NAA25: variants seen among roughly 807,000 people sequenced by gnomAD.
NAA25 encodes N-terminal acetyltransferase B complex subunit NAA25.
In NAA25, 30 loss-of-function variants were observed where a neutral mutation model predicts 132.5. The ratio of observed to expected loss-of-function variants is 0.23; its 90% CI spans 0.17 to 0.31. The LOEUF is 0.31. Among genes scored for constraint, NAA25 ranks in the 10% least tolerant of loss-of-function variants. The pLI, the probability that NAA25 is intolerant of heterozygous loss-of-function variation, is 1.00. For missense variants in NAA25, 771 were observed against 1,150.4 expected (o/e 0.67, Z 4.77); for synonymous variants, 359 against 401.9 (o/e 0.89, Z 1.28).
intron 1 of NAA25, among the ~76,000 whole-genome samples, chr12:112,100,859 C>G (rs975662660): frequency 1.3e-5 from 2 of 152,066 alleles, no homozygotes; most frequent in Non-Finnish European, 2.9e-5. Flanking sequence ...ACCTCGTCAT[C>G]CACCTGCCTT....
At chr12:112,095,126 A>C (rs1190395301) in intron 1 of NAA25, among the ~76,000 whole-genome samples, 2 of 152,012 alleles carry the variant, frequency 1.3e-5, no homozygotes, top group Non-Finnish European at 2.9e-5. Flanking sequence ...ACACAGCAAG[A>C]CACCATCTCT....
At chr12:112,046,763 T>C (rs928351826) in intron 17 of NAA25, among the ~76,000 whole-genome samples, 1 of 152,250 alleles carries the variant, frequency 6.6e-6, no homozygotes, top group South Asian at 2.1e-4. Flanking sequence ...ACAAAATCTT[T>C]ATTGCTGTAA....
At chr12:112,048,502 A>T in intron 15 of NAA25, 59 bp from the exon 16 acceptor site, 1 of 1,471,238 alleles carries the variant, frequency 6.8e-7, no homozygotes, top group Non-Finnish European at 9.4e-7. Flanking sequence ...AATGTAAGCA[A>T]ACCTTGCCAG....
chr12:112,065,613 A>G (rs1215058815), intron 11 of NAA25: 1 of 152,216 alleles, frequency 6.6e-6, no homozygotes, highest in Non-Finnish European at 1.5e-5. Flanking sequence ...CAGTGAGCCA[A>G]GATTGTGCCA....
chr12:112,089,605 G>C (rs2079102782), intron 3 of NAA25, among the ~76,000 whole-genome samples: 1 of 152,072 alleles, frequency 6.6e-6, no homozygotes, highest in South Asian at 2.1e-4. Flanking sequence ...GTATTACTAA[G>C]AGAAATAAAT....
intron 13 of NAA25, among the ~76,000 whole-genome samples, chr12:112,059,897 T>A (rs1325078019): frequency 6.6e-6 from 1 of 151,282 alleles, no homozygotes. Flanking sequence ...AACCTCCGCC[T>A]CCCAAGCTCA....
intron 10 of NAA25, among the ~76,000 whole-genome samples, chr12:112,069,411 A>C (rs2078769642): frequency 6.6e-6 from 1 of 152,166 alleles, no homozygotes; most frequent in African/African-American, 2.4e-5. Context: ...GGATAAGGCA[A>C]AGGATCGCTT....
chr12:112,042,176 C>T, intron 19 of NAA25, 72 bp from the exon 20 acceptor site: 1 of 707,258 alleles, frequency 1.4e-6, no homozygotes, highest in South Asian at 2.5e-5. Context: ...AAGATAAATA[C>T]CTGCAAGAAG....
intron 22 of NAA25, among the ~76,000 whole-genome samples, chr12:112,036,003 A>G (rs1186757347): frequency 6.6e-6 from 1 of 152,158 alleles, no homozygotes; most frequent in South Asian, 2.1e-4. Context: ...TCAAATGATA[A>G]TGATTATTAT....
At chr12:112,099,370 T>C (rs1398927227) in intron 1 of NAA25, among the ~76,000 whole-genome samples, 2 of 152,088 alleles carry the variant, frequency 1.3e-5, no homozygotes, top group Admixed American at 6.6e-5. Flanking sequence ...TTAGTTTTCA[T>C]TGTACTTTAC....
At chr12:112,101,362 A>G (rs1421971429) in intron 1 of NAA25, among the ~76,000 whole-genome samples, 5 of 152,214 alleles carry the variant, frequency 3.3e-5, no homozygotes, top group Non-Finnish European at 5.9e-5. Context: ...TGCCTAACAC[A>G]TATCAGGCCC....
intron 22 of NAA25, chr12:112,034,199 A>T (rs2078190694): frequency 6.6e-6 from 1 of 152,206 alleles, no homozygotes; most frequent in South Asian, 2.1e-4. Flanking sequence ...GAGCTATCCT[A>T]AAGAAACTAT....
In NAA25 at chr12:112,049,722, T is replaced by A. The variant is rs767990351; in HGVS notation, c.1729-1279A>T. 146 of 787,586 alleles carry A rather than the reference T, an allele frequency of 1.9e-4. No individual in the cohort carries two copies. Among genetic ancestry groups the A allele is most frequent in the Non-Finnish European group, 2.2e-4 (144 of 649,632 alleles). The allele number at this position is 787,586 out of a possible 1,614,324, so 48.8% of individuals were successfully genotyped here. ...AGCTCGAGTATACCTTCTAGCTTGATTAAAGGACAGTGATACACCCTATCA... is the reference window on the plus strand; with the variant it reads ...AGCTCGAGTATACCTTCTAGCTTGAATAAAGGACAGTGATACACCCTATCA... On this transcript the variant is annotated intron_variant, in intron 15 of 23. Transcript: ENST00000261745. This position sits in a 1 kb window ranked among gnomAD's most constrained non-coding sequence, Gnocchi z 4.7.
At chr12:112,053,172 A>G (rs1593769883) in intron 15 of NAA25, among the ~76,000 whole-genome samples, 1 of 152,242 alleles carries the variant, frequency 6.6e-6, no homozygotes, top group East Asian at 1.9e-4. Flanking sequence ...TTTCAGAGTT[A>G]AATAAAAGTA....
intron 22 of NAA25, among the ~76,000 whole-genome samples, chr12:112,037,041 G>A (rs775912721): frequency 6.6e-6 from 1 of 151,692 alleles, no homozygotes; most frequent in Non-Finnish European, 1.5e-5. Context: ...TTGAAAAAAT[G>A]TCTGATTTCA....
rs2078887253 is a variant in NAA25 at position 112,075,773 on chromosome 12, C to G, written c.681G>C (p.Glu227Asp). Reference sequence around the variant, plus strand: ...TGCATTTATTTTCCCGACTCTGAATCTCACTTGTCAACTTCTCTAAAATCA... The same window carrying G: ...TGCATTTATTTTCCCGACTCTGAATGTCACTTGTCAACTTCTCTAAAATCA... ...RGKLGEKLTSEIQSRENKCMA... is the reference protein window; with the variant it reads ...RGKLGEKLTSDIQSRENKCMA... The change falls in exon 8 of 24, where the codon GAG becomes GAC. Residue 227 changes from glutamate to aspartate, a missense_variant. Transcript: ENST00000261745. 1 of 1,613,784 alleles carries G rather than the reference C, an allele frequency of 6.2e-7. No individual in the cohort carries two copies. Among genetic ancestry groups the G allele is most frequent in the Admixed American group, 1.7e-5 (1 of 59,998 alleles).
chr12:112,082,787 G>C lies in NAA25; in HGVS notation c.403-1653C>G, dbSNP rs1343215377. 3.7e-3 allele frequency among the ~76,000 whole-genome samples: 547 copies of C among 148,054 alleles called. 4 individuals are homozygous for C. The highest frequency in any genetic ancestry group is 0.012 in the African/African-American group (499 of 40,150). ...CAAACATAACATGGTGGCAGGGGGC[G>C]GGGGGTGGGGGGTGCGGGGTGTGGT... On this transcript the variant is annotated intron_variant, in intron 4 of 23. Transcript: ENST00000261745.
chr12:112,041,794 A>G (rs2078304050), intron 20 of NAA25, among the ~76,000 whole-genome samples: 1 of 152,214 alleles, frequency 6.6e-6, no homozygotes, highest in African/African-American at 2.4e-5. Context: ...GGTATCCAAA[A>G]TAACAAAAAA....
intron 1 of NAA25, among the ~76,000 whole-genome samples, chr12:112,096,066 G>A (rs186259001): frequency 6.6e-5 from 10 of 152,270 alleles, no homozygotes; most frequent in Admixed American, 2.0e-4. Context: ...CCATGGGGAT[G>A]GGGAGAGGGA....
Sources: gnomAD v4.1 joint callset for allele counts (sites outside exome capture counted in the v4.1 genomes callset) on GRCh38, gnomAD v4.1.1 for gene constraint, Gnocchi (gnomAD v3.1) non-coding constraint, MANE v1.5 for transcripts, NCBI Gene and HGNC (gene_info 2026-07-23, HGNC 2026-07-21) for gene names.